FREM2: variants seen among roughly 807,000 people sequenced by gnomAD.
The protein encoded by FREM2 is FRAS1 related extracellular matrix 2, also known as FRAS1-related extracellular matrix protein 2.
FREM2 carries 119 observed loss-of-function variants against 219.9 expected under a neutral mutation model. The ratio of observed to expected loss-of-function variants is 0.54; its 90% CI spans 0.47 to 0.63. The LOEUF (loss-of-function observed/expected upper bound fraction) is 0.63, where lower values mean the gene tolerates loss of function less well. FREM2 is among the 30% of genes least tolerant of loss of function. FREM2 has a pLI of 0.00. For missense variants in FREM2, 4,030 were observed against 3,993.6 expected (o/e 1.01, Z -0.25); for synonymous variants, 1,562 against 1,522.8 (o/e 1.03, Z -0.60).
intron 6 of FREM2, chr13:38,821,824 A>G (rs1876069314): frequency 6.6e-6 from 1 of 152,244 alleles, no homozygotes; most frequent in South Asian, 2.1e-4. Flanking sequence ...ACGGAAATAG[A>G]CAAACAGCTC....
chr13:38,824,691 A>G (rs1876204238), intron 6 of FREM2, among the ~76,000 whole-genome samples: 1 of 152,012 alleles, frequency 6.6e-6, no homozygotes, highest in Non-Finnish European at 1.5e-5. Context: ...ACCAGTTAGC[A>G]GCTCTAGGTG....
intron 6 of FREM2, among the ~76,000 whole-genome samples, chr13:38,789,088 A>C (rs1874448691): frequency 6.6e-6 from 1 of 151,968 alleles, no homozygotes; most frequent in African/African-American, 2.4e-5. Context: ...TGGGGCTTTA[A>C]ATCTGTTTAT....
chr13:38,757,848 A>T (rs1203469125), intron 2 of FREM2, among the ~76,000 whole-genome samples: 1 of 152,088 alleles, frequency 6.6e-6, no homozygotes, highest in Admixed American at 6.5e-5. Context: ...TAGGCCTCCC[A>T]AAGTGCTGGG....
At chr13:38,797,184 GT>G (rs1292522164) in intron 6 of FREM2, among the ~76,000 whole-genome samples, 2 of 151,944 alleles carry the variant, frequency 1.3e-5, no homozygotes, top group South Asian at 2.1e-4. Flanking sequence ...TTACTATACT[GT>G]TTTTTTATGG....
intron 2 of FREM2, among the ~76,000 whole-genome samples, chr13:38,738,615 G>A (rs981388952): frequency 2.6e-5 from 4 of 151,386 alleles, no homozygotes; most frequent in African/African-American, 9.7e-5. Context: ...AAAAGGAAAG[G>A]GGATGATCTT....
chr13:38,862,617 T>C (rs918836128), intron 15 of FREM2, among the ~76,000 whole-genome samples: 1 of 152,170 alleles, frequency 6.6e-6, no homozygotes, highest in Non-Finnish European at 1.5e-5. Flanking sequence ...GGAGTTTTGC[T>C]CTGAGTGAAT....
At chr13:38,714,253 G>A (rs1870893561) in intron 2 of FREM2, among the ~76,000 whole-genome samples, 1 of 152,182 alleles carries the variant, frequency 6.6e-6, no homozygotes, top group Non-Finnish European at 1.5e-5. Flanking sequence ...ATTAATCAGT[G>A]GTTGAAATGA....
chr13:38,883,937 G>A lies in FREM2; in HGVS notation c.*3150G>A, dbSNP rs1878642054. 1 of 152,284 alleles carries A rather than the reference G, an allele frequency of 6.6e-6. No individual in the cohort carries two copies. The highest frequency in any genetic ancestry group is 6.5e-5 in the Admixed American group (1 of 15,294). 9.4% of individuals were successfully genotyped at this position (152,284 alleles called of 1,614,324 possible). The stretch of plus-strand genomic sequence containing the variant: ...AATTGACCTTCGCAAAACCTCACTG[G>A]GGGAGTGCCTTGTAGAGCTGTGGGT... On this transcript the variant is annotated 3_prime_UTR_variant, in exon 24 of 24. Transcript: ENST00000280481.
In FREM2 at chr13:38,691,316, C is replaced by T; in HGVS notation, c.3972C>T (p.Asn1324=). 6.2e-7 allele frequency: 1 copy of T among 1,613,908 alleles called. No homozygotes were observed. Among genetic ancestry groups the T allele is most frequent in the East Asian group, 2.2e-5 (1 of 44,874 alleles). Residue 1324 remains asparagine (N), a synonymous_variant, in exon 1 of 24, where the codon AAC becomes AAT. Transcript: ENST00000280481. ...IEIGDTKIIN[N]KILMATDLDS... The stretch of plus-strand genomic sequence containing the variant: ...TTGGGGATACCAAGATTATCAACAA[C>T]AAAATATTAATGGCAACAGATTTAG...
intron 2 of FREM2, among the ~76,000 whole-genome samples, chr13:38,759,840 TTGAGG>T (rs1873159778): frequency 6.6e-6 from 1 of 152,250 alleles, no homozygotes. Flanking sequence ...TTTCCATGAA[TTGAGG>T]TTTTAGAGGA....
intron 6 of FREM2, among the ~76,000 whole-genome samples, chr13:38,828,358 G>GTTA (rs1192500104): frequency 6.6e-6 from 1 of 151,986 alleles, no homozygotes; most frequent in African/African-American, 2.4e-5. Flanking sequence ...ATAAATATTG[G>GTTA]TTATTATTAT....
At chr13:38,794,996 C>A (rs1874713207) in intron 6 of FREM2, among the ~76,000 whole-genome samples, 1 of 152,088 alleles carries the variant, frequency 6.6e-6, no homozygotes. Flanking sequence ...TACTTAAGAT[C>A]ACACAAATGT....
At chr13:38,735,397 T>A (rs1023002280) in intron 2 of FREM2, among the ~76,000 whole-genome samples, 3 of 152,212 alleles carry the variant, frequency 2.0e-5, no homozygotes, top group Admixed American at 6.5e-5. Context: ...ATGTCTATAT[T>A]TGAAAGTGAA....
intron 6 of FREM2, among the ~76,000 whole-genome samples, chr13:38,837,647 G>A (rs1398797253): frequency 6.6e-6 from 1 of 152,062 alleles, no homozygotes; most frequent in African/African-American, 2.4e-5. Context: ...TATATATTTA[G>A]GATAGTTAGC....
intron 3 of FREM2, among the ~76,000 whole-genome samples, chr13:38,766,079 G>A (rs1254398469): frequency 1.3e-5 from 2 of 152,066 alleles, no homozygotes; most frequent in African/African-American, 2.4e-5. Context: ...ATTAAAAATA[G>A]GTTTATCTAT....
intron 6 of FREM2, among the ~76,000 whole-genome samples, chr13:38,809,315 TA>T (rs1296389305): frequency 1.3e-5 from 2 of 151,710 alleles, no homozygotes; most frequent in Non-Finnish European, 2.9e-5. Context: ...CTTTTTTTTT[TA>T]AATTTTTGCA....
At position 38,764,386 on chromosome 13, in the gene FREM2, G is replaced by C. The variant is rs542748951; in HGVS notation, c.5346G>C (p.Glu1782Asp). The change falls in exon 3 of 24, where the codon GAG becomes GAC. Residue 1782 changes from glutamate to aspartate, a missense_variant. Coordinates refer to ENST00000280481, the MANE Select transcript of FREM2 (RefSeq NM_207361.6). Reference protein sequence around the residue: ...SFEKEYYLVNEDSKFLDVVLK... With the variant: ...SFEKEYYLVNDDSKFLDVVLK... Reference sequence around the variant, plus strand: ...AAAAGGAATATTACCTGGTCAATGAGGACTCCAAATTTCTAGATGTTGTTC... The same window carrying C: ...AAAAGGAATATTACCTGGTCAATGACGACTCCAAATTTCTAGATGTTGTTC... 1.2e-6 allele frequency: 2 copies of C among 1,603,848 alleles called. No homozygotes were observed. The highest frequency in any genetic ancestry group is 1.7e-6 in the Non-Finnish European group (2 of 1,171,216).
intron 14 of FREM2, among the ~76,000 whole-genome samples, chr13:38,860,141 A>G (rs1877709106): frequency 6.6e-6 from 1 of 152,214 alleles, no homozygotes; most frequent in Admixed American, 6.5e-5. Context: ...TGCAAGGCTC[A>G]GATCTGAACA....
rs1434843517 is a variant in FREM2, at chr13:38,824,047, G to C, written c.6020-22526G>C. On this transcript the variant is annotated intron_variant, in intron 6 of 23. Coordinates refer to ENST00000280481, the MANE Select transcript of FREM2 (RefSeq NM_207361.6). ...GCTGAGAATATGAAAATAATGGATA[G>C]AGCATTTCAAGTGATTATTCAAGTG... Among the ~76,000 whole-genome samples the C allele has an allele frequency of 6.6e-5, 10 of 152,046 alleles. 1 individual carries two copies. The highest frequency in any genetic ancestry group is 2.0e-4 in the Admixed American group (3 of 15,242).
Sources: allele counts gnomAD v4.1 joint callset (sites outside exome capture counted in the v4.1 genomes callset), GRCh38; gene constraint gnomAD v4.1.1; transcripts MANE v1.5; gene names NCBI Gene and HGNC (gene_info 2026-07-23, HGNC 2026-07-21).